Variants in CAST observed in about 807,000 individuals in gnomAD.
CAST encodes MIR583 host.
CAST carries 76 observed loss-of-function variants against 119.6 expected under a neutral mutation model. The observed-to-expected ratio is 0.64, with a 90% CI of 0.53 to 0.77. CAST has a LOEUF of 0.77. Ranked by LOEUF, CAST falls within the 30% of genes least tolerant of loss-of-function variation. CAST has a pLI of 0.00. For missense variants in CAST, 953 were observed against 946.5 expected (o/e 1.01, Z -0.09); for synonymous variants, 319 against 331.6 (o/e 0.96, Z 0.41).
the CAST span, chr5:96,416,075 G>A: frequency 3.7e-6 from 6 of 1,613,270 alleles, no homozygotes; most frequent in Non-Finnish European, 5.1e-6. Context: ...CCGCATTTGT[G>A]ATTATTTGCT....
At chr5:96,502,099 C>T in the CAST span, among the ~76,000 whole-genome samples, 1 of 152,206 alleles carries the variant, frequency 6.6e-6, no homozygotes, top group African/African-American at 2.4e-5. Flanking sequence ...ACACAATTGG[C>T]AAGATTGATG....
chr5:96,231,211 C>G, the CAST span, among the ~76,000 whole-genome samples: 1 of 152,000 alleles, frequency 6.6e-6, no homozygotes, highest in East Asian at 1.9e-4. Context: ...TCATGATATC[C>G]AAAGAGTAGG....
At chr5:96,742,804 C>G (rs779372740) in intron 16 of CAST, 48 bp downstream of exon 16, 1 of 1,303,070 alleles carries the variant, frequency 7.7e-7, no homozygotes, top group Non-Finnish European at 1.1e-6. Flanking sequence ...CTGCACATTA[C>G]AAAACCGAAT....
chr5:96,449,307 G>A, the CAST span, among the ~76,000 whole-genome samples: 2 of 152,210 alleles, frequency 1.3e-5, no homozygotes, highest in Non-Finnish European at 2.9e-5. Flanking sequence ...TAGGAACCAG[G>A]TGAGCTGCCA....
intron 3 of CAST, among the ~76,000 whole-genome samples, chr5:96,696,527 G>A (rs1372023837): frequency 6.6e-6 from 1 of 151,834 alleles, no homozygotes; most frequent in Non-Finnish European, 1.5e-5. Flanking sequence ...AAAAATCACT[G>A]AAACCTCACC....
the CAST span, among the ~76,000 whole-genome samples, chr5:95,967,619 T>C: frequency 6.6e-6 from 1 of 152,110 alleles, no homozygotes; most frequent in Admixed American, 6.5e-5. Context: ...TCACAAGATC[T>C]GATGGTTTTA....
intron 1 of CAST, among the ~76,000 whole-genome samples, chr5:96,538,780 A>T (rs1745864219): frequency 1.1e-5 from 1 of 88,826 alleles, no homozygotes; most frequent in Admixed American, 1.3e-4. Context: ...GAGCTTTGGG[A>T]TACTGTCTCT....
the CAST span, among the ~76,000 whole-genome samples, chr5:96,178,932 T>C: frequency 6.6e-6 from 1 of 152,198 alleles, no homozygotes; most frequent in Non-Finnish European, 1.5e-5. Flanking sequence ...GTTCCTGATC[T>C]CAATGAAGCC....
chr5:96,263,293 T>C, the CAST span, among the ~76,000 whole-genome samples: 1 of 151,920 alleles, frequency 6.6e-6, no homozygotes, highest in South Asian at 2.1e-4. Context: ...GATAGGTAGA[T>C]CTGTGGGTGG....
At chr5:96,219,532 A>G in the CAST span, among the ~76,000 whole-genome samples, 20 of 152,320 alleles carry the variant, frequency 1.3e-4, no homozygotes, top group East Asian at 3.9e-3. Context: ...CTGGCCAGGC[A>G]TGGTGGCCCA....
the CAST span, among the ~76,000 whole-genome samples, chr5:96,349,384 G>A: frequency 6.6e-6 from 1 of 151,686 alleles, no homozygotes; most frequent in Non-Finnish European, 1.5e-5. Context: ...CCTCTCTGTG[G>A]CATGATTATT....
At chr5:96,244,689 C>G in the CAST span, among the ~76,000 whole-genome samples, 4 of 152,208 alleles carry the variant, frequency 2.6e-5, no homozygotes, top group Non-Finnish European at 4.4e-5. Context: ...CAGCCCAGTT[C>G]TGCTCACTAC....
At chr5:96,641,856 T>G (rs749633755) in intron 1 of CAST, among the ~76,000 whole-genome samples, 7 of 152,228 alleles carry the variant, frequency 4.6e-5, no homozygotes, top group Non-Finnish European at 1.0e-4. Flanking sequence ...CATTGTATAA[T>G]ATTGTAACAG....
intron 1 of CAST, among the ~76,000 whole-genome samples, chr5:96,535,258 A>G (rs1250217598): frequency 2.0e-5 from 3 of 152,226 alleles, no homozygotes; most frequent in African/African-American, 7.2e-5. Flanking sequence ...CAGTGTTGGC[A>G]TTTTGCTAAA....
chr5:96,400,588 A>G, the CAST span, among the ~76,000 whole-genome samples: 1 of 152,230 alleles, frequency 6.6e-6, no homozygotes. Flanking sequence ...TTTCAGCATT[A>G]TGAACCCACA....
At chr5:96,534,465 T>C (rs555562637) in intron 1 of CAST, among the ~76,000 whole-genome samples, 14 of 151,246 alleles carry the variant, frequency 9.3e-5, no homozygotes, top group African/African-American at 3.4e-4. Flanking sequence ...GGTCAAGAGT[T>C]CAAAACCAGT....
At chr5:96,720,487 C>A (rs566274608) in intron 3 of CAST, among the ~76,000 whole-genome samples, 1 of 152,314 alleles carries the variant, frequency 6.6e-6, no homozygotes, top group South Asian at 2.1e-4. Context: ...ATGGGGTGGG[C>A]ATATTCCCTA....
At chr5:96,542,780 C>T (rs563201947) in intron 1 of CAST, among the ~76,000 whole-genome samples, 6 of 151,944 alleles carry the variant, frequency 3.9e-5, no homozygotes, top group Middle Eastern at 3.4e-3. Context: ...AACAAACATA[C>T]GAAAAAAAGC....
chr5:96,426,866 C>T, the CAST span, among the ~76,000 whole-genome samples: 7 of 151,976 alleles, frequency 4.6e-5, no homozygotes, highest in South Asian at 6.2e-4. Flanking sequence ...CTAAGACTGC[C>T]CTCAATTTTC....
Sources: allele counts gnomAD v4.1 joint callset (sites outside exome capture counted in the v4.1 genomes callset), GRCh38; gene constraint gnomAD v4.1.1; transcripts MANE v1.5; gene names NCBI Gene and HGNC (gene_info 2026-07-23, HGNC 2026-07-21).